The following GDF1 variants were observed in gnomAD, a reference collection of about 807,000 sequenced individuals.
GDF1 encodes the protein embryonic growth/differentiation factor 1.
GDF1 carries 8 observed loss-of-function variants against 7.4 expected under a neutral mutation model. The observed-to-expected ratio is 1.09, with a 90% CI of 0.64 to 1.96. GDF1 has a LOEUF of 1.96. Ranked by LOEUF, GDF1 falls within the 30% of genes most tolerant of loss-of-function variation. The pLI, the probability that GDF1 is intolerant of heterozygous loss-of-function variation, is 0.00. For synonymous variants in GDF1, 311 were observed against 276.7 expected, an observed-to-expected ratio of 1.12 and a Z score of -1.23; for missense variants, 574 against 551.5, an observed-to-expected ratio of 1.04 and a Z score of -0.41.
intron 2 of GDF1, among the ~76,000 whole-genome samples, chr19:18,884,650 A>G (rs1601173967): frequency 7.4e-6 from 1 of 134,570 alleles, no homozygotes; most frequent in Admixed American, 7.7e-5. Flanking sequence ...CTCATGATTC[A>G]CCTGCCTCGG....
In GDF1 at chr19:18,895,889, GC is replaced by G; in HGVS notation, c.-1140del. On this transcript the variant is annotated 5_prime_UTR_variant, in exon 1 of 8. An upstream open reading frame in the 5' UTR gains an earlier in-frame stop. Transcript: ENST00000247005. The surrounding 1 kb of genome is among the most constrained non-coding windows in gnomAD (Gnocchi z 6.4). Reference sequence around the variant, plus strand: ...CAGCCCAGCGCGCCGAGCGCCAGCAGCAGCAGCTCGGGCGGCGCCAGGTGCG... The same window carrying G: ...CAGCCCAGCGCGCCGAGCGCCAGCAGAGCAGCTCGGGCGGCGCCAGGTGCG... 1 of 1,272,322 alleles carries G rather than the reference GC, an allele frequency of 7.9e-7. No homozygotes were observed. The highest frequency in any genetic ancestry group is 9.9e-7 in the Non-Finnish European group (1 of 1,009,918). The allele number at this position is 1,272,322 out of a possible 1,614,324, so 78.8% of individuals were successfully genotyped here.
At chr19:18,886,128 G>C (rs138554632) in intron 2 of GDF1, among the ~76,000 whole-genome samples, 1 of 150,106 alleles carries the variant, frequency 6.7e-6, no homozygotes, top group Admixed American at 6.6e-5. Flanking sequence ...TGCTCTGGAC[G>C]GGCACGGTGG....
rs553683965 is a variant in GDF1, at chr19:18,892,041, G to A, written c.-914+1375C>T. ...CCCAAGTAGCTGAGATTACAGGCACGCGCCACCATGCCTGGCTAATTTATT... is the reference window on the plus strand; with the variant it reads ...CCCAAGTAGCTGAGATTACAGGCACACGCCACCATGCCTGGCTAATTTATT... On this transcript the variant is annotated intron_variant, in intron 2 of 7. Transcript: ENST00000247005. Among the ~76,000 whole-genome samples the A allele has an allele frequency of 3.7e-4, 56 of 151,974 alleles. 1 individual carries two copies. The South Asian group carries it at 9.8e-3, about 27-fold the overall frequency.
intron 6 of GDF1, among the ~76,000 whole-genome samples, chr19:18,877,299 G>A (rs2056075617): frequency 6.6e-6 from 1 of 152,148 alleles, no homozygotes; most frequent in African/African-American, 2.4e-5. Flanking sequence ...GCTTCCTCTT[G>A]TTCTGGGTTC....
intron 6 of GDF1, chr19:18,877,906 A>G: frequency 1.1e-6 from 1 of 950,686 alleles, no homozygotes; most frequent in African/African-American, 1.8e-5. Flanking sequence ...CTCGAGCCAA[A>G]AGTCTTGAGT....
chr19:18,891,824 G>A (rs574776303), intron 2 of GDF1, among the ~76,000 whole-genome samples: 22 of 150,162 alleles, frequency 1.5e-4, no homozygotes, highest in African/African-American at 3.7e-4. Flanking sequence ...TCCCACCTCC[G>A]CCTCCCAAAG....
chr19:18,891,054 G>A (rs1216991054), intron 2 of GDF1, among the ~76,000 whole-genome samples: 1 of 151,920 alleles, frequency 6.6e-6, no homozygotes, highest in Non-Finnish European at 1.5e-5. Flanking sequence ...AACCTGGGAG[G>A]TGGAGATTGC....
Position 18,879,299 on chromosome 19 carries a change from T to C in GDF1, c.-481A>G. On this transcript the variant is annotated 5_prime_UTR_variant, in exon 5 of 8. Transcript: ENST00000247005. ...CAGCAGGAGCGCATTGAAGAAGAAG[T>C]AGAAGGGGATGTCAGGCACCGTGCG... The C allele has an allele frequency of 1.9e-6, 3 of 1,612,812 alleles. No individual in the cohort carries two copies. The highest frequency in any genetic ancestry group is 2.5e-6 in the Non-Finnish European group (3 of 1,179,504).
chr19:18,892,415 C>G (rs1406898902), intron 2 of GDF1, among the ~76,000 whole-genome samples: 2 of 151,836 alleles, frequency 1.3e-5, no homozygotes, highest in East Asian at 2.0e-4. Flanking sequence ...GAGATTGAGA[C>G]CATCCTGGCT....
intron 2 of GDF1, among the ~76,000 whole-genome samples, chr19:18,890,856 G>A (rs1457179406): frequency 2.6e-5 from 4 of 151,746 alleles, no homozygotes. Flanking sequence ...GGGCGTGGTG[G>A]CTCATGCCTG....
intron 2 of GDF1, among the ~76,000 whole-genome samples, chr19:18,889,037 A>G (rs1190998974): frequency 2.0e-5 from 3 of 151,500 alleles, no homozygotes; most frequent in Non-Finnish European, 2.9e-5. Flanking sequence ...GATTACAGGC[A>G]TGCATCCCCA....
At chr19:18,877,055 G>T (rs113595040) in intron 6 of GDF1, among the ~76,000 whole-genome samples, 1 of 152,114 alleles carries the variant, frequency 6.6e-6, no homozygotes, top group African/African-American at 2.4e-5. Context: ...GACTGCCTTC[G>T]TCCCATCCTG....
rs894657723 is a variant in GDF1 at position 18,868,740 on chromosome 19, C to A, written c.976G>T (p.Ala326Ser). ...NHAVLRALMHAAAPGAADLPC... is the reference protein window; with the variant it reads ...NHAVLRALMHSAAPGAADLPC... ...AGGTCGGCGGCTCCCGGGGCGGCCG[C>A]GTGCATGAGCGCGCGCAGCACAGCG... Residue 326 changes from alanine (A) to serine (S), a missense_variant, in exon 8 of 8, where the codon GCG becomes TCG. Ala to Ser is a moderately conservative substitution (Grantham distance 99). Coordinates refer to ENST00000247005, the MANE Select transcript of GDF1 (RefSeq NM_001492.6). 1 of 1,527,182 alleles carries A rather than the reference C, an allele frequency of 6.5e-7. No homozygotes were observed. The highest frequency in any genetic ancestry group is 8.8e-7 in the Non-Finnish European group (1 of 1,133,156). 94.6% of individuals were successfully genotyped at this position (1,527,182 alleles called of 1,614,324 possible). A position where few individuals can be genotyped will look rare whatever the true frequency, so the allele number is the denominator to read the frequency against.
At chr19:18,894,256 T>G (rs1024577846) in intron 1 of GDF1, among the ~76,000 whole-genome samples, 65 of 8,504 alleles carry the variant, frequency 7.6e-3, no homozygotes, top group African/African-American at 0.026. Flanking sequence ...GGTGGGTGGG[T>G]GGGTGGCGGG....
In GDF1 at chr19:18,895,770, TC is replaced by T; in HGVS notation, c.-1074+53del. 1 of 1,025,386 alleles carries T rather than the reference TC, an allele frequency of 9.8e-7. No homozygotes were observed. Among genetic ancestry groups the T allele is most frequent in the Non-Finnish European group, 1.2e-6 (1 of 819,070 alleles). The allele number at this position is 1,025,386 out of a possible 1,614,324, so 63.5% of individuals were successfully genotyped here. ...CGCGCCGGCGGCCCCAGGTCCCCGG[TC>T]CCGGCTTCCCCCAGTCCGGGGTCCC... On this transcript the variant is annotated intron_variant, in intron 1 of 7. Transcript: ENST00000247005. The surrounding 1 kb of genome is among the most constrained non-coding windows in gnomAD (Gnocchi z 6.4).
intron 6 of GDF1, among the ~76,000 whole-genome samples, chr19:18,873,931 G>A (rs987165730): frequency 2.6e-5 from 4 of 151,994 alleles, no homozygotes; most frequent in East Asian, 1.9e-4. Context: ...AGTGGTCTTC[G>A]GGATGGGGGG....
chr19:18,878,067 A>C lies in GDF1; in HGVS notation c.-313+863T>G. ...CTGCATCTCGCACCTCCCGTTCCAA[A>C]AAACGTCACGGAGCTCTGAGCCACT... On this transcript the variant is annotated intron_variant, in intron 6 of 7. Transcript: ENST00000247005. The surrounding 1 kb of genome is among the most constrained non-coding windows in gnomAD (Gnocchi z 4.6). 1.0e-6 allele frequency: 1 copy of C among 985,464 alleles called. No individual in the cohort carries two copies. Among genetic ancestry groups the C allele is most frequent in the Non-Finnish European group, 1.2e-6 (1 of 829,974 alleles). 61.0% of individuals were successfully genotyped at this position (985,464 alleles called of 1,614,324 possible).
chr19:18,880,565 C>T lies in GDF1; in HGVS notation c.-732-130G>A, dbSNP rs1421624090. On this transcript the variant is annotated intron_variant, in intron 3 of 7. Coordinates refer to ENST00000247005, the MANE Select transcript of GDF1 (RefSeq NM_001492.6). ...GTGGGCCTCTTCAAAGCCACCCTTC[C>T]TGCCTCGCCTGCCCTGCCCATCTCC... 4 of 818,522 alleles carry T rather than the reference C, an allele frequency of 4.9e-6. No homozygotes were observed. The African/African-American group carries it at 5.2e-5, about 11-fold the overall frequency. The allele number at this position is 818,522 out of a possible 1,614,324, so 50.7% of individuals were successfully genotyped here.
rs2055940436 is a variant in GDF1 at position 18,870,147 on chromosome 19, C to G, written c.161G>C (p.Arg54Thr). 1 of 1,563,274 alleles carries G rather than the reference C, an allele frequency of 6.4e-7. No individual in the cohort carries two copies. The highest frequency in any genetic ancestry group is 1.8e-5 in the Admixed American group (1 of 54,660). The change falls in exon 7 of 8, where the codon AGG (arginine) becomes ACG (threonine). Residue 54 changes from arginine to threonine, a missense_variant. Coordinates refer to ENST00000247005, the MANE Select transcript of GDF1 (RefSeq NM_001492.6). This position sits in a 1 kb window ranked among gnomAD's most constrained non-coding sequence, Gnocchi z 5.1. ...CATGACCGGGGGAACCGGCCGGAGC[C>G]TGGGGGCACCCTGGGGCTCATCGCG... ...GLRDEPQGAP[R>T]LRPVPPVMWR...
Sources: allele counts gnomAD v4.1 joint callset (sites outside exome capture counted in the v4.1 genomes callset), GRCh38; gene constraint gnomAD v4.1.1; non-coding constraint Gnocchi (gnomAD v3.1); transcripts MANE v1.5; gene names NCBI Gene and HGNC (gene_info 2026-07-23, HGNC 2026-07-21).